The following PLAC1 variants were observed in gnomAD, a reference collection of about 807,000 sequenced individuals.
PLAC1 encodes the protein placenta associated 1.
For synonymous variants in PLAC1, 68 were observed against 62.1 expected (o/e 1.09, Z -0.44); for missense variants, 136 against 163.2 (o/e 0.83, Z 0.91).
At chrX:134,617,204 G>C (rs2078187860) in intron 1 of PLAC1, among the ~76,000 whole-genome samples, 1 of 110,918 alleles carries the variant, frequency 9.0e-6, no homozygotes, top group African/African-American at 3.3e-5. Flanking sequence ...GGCCAGGCTG[G>C]TCTCGAACTC....
intron 1 of PLAC1, among the ~76,000 whole-genome samples, chrX:134,617,902 G>C (rs1186815341): frequency 8.9e-6 from 1 of 111,923 alleles, no homozygotes; most frequent in Non-Finnish European, 1.9e-5. Context: ...AAAACTTCTG[G>C]ACCTGCTTGT....
intron 2 of PLAC1, among the ~76,000 whole-genome samples, chrX:134,671,011 TA>T (rs1001868931): frequency 6.3e-5 from 7 of 111,787 alleles, no homozygotes; most frequent in African/African-American, 2.3e-4. Context: ...CTTCATTTGT[TA>T]AAAAAATTTT....
At chrX:134,710,676 T>C (rs1166310923) in intron 2 of PLAC1, among the ~76,000 whole-genome samples, 2 of 111,676 alleles carry the variant, frequency 1.8e-5, no homozygotes, top group African/African-American at 6.5e-5. Context: ...CATGGACTGA[T>C]CTCAAGAACA....
At position 134,712,977 on chromosome X, in the gene PLAC1, T is replaced by C. The variant is rs180837312; in HGVS notation, n.174+20458A>G. On this transcript the variant is annotated intron_variant and non_coding_transcript_variant, in intron 2 of 2. Transcript: ENST00000466797. ...AATCCACTCTAACTTACAACTAAAGTAAATTATTCAGCAACTCTGGTACAT... is the reference window on the plus strand; with the variant it reads ...AATCCACTCTAACTTACAACTAAAGCAAATTATTCAGCAACTCTGGTACAT... Among the ~76,000 whole-genome samples the C allele has an allele frequency of 2.5e-3, 282 of 112,360 alleles. 2 individuals carry two copies. Among genetic ancestry groups the C allele is most frequent in the Non-Finnish European group, 3.8e-3 (204 of 53,282 alleles).
chrX:134,622,235 G>C (rs2078214440), intron 1 of PLAC1, among the ~76,000 whole-genome samples: 1 of 112,053 alleles, frequency 8.9e-6, no homozygotes, highest in African/African-American at 3.2e-5. Flanking sequence ...ATCCTGCCTT[G>C]GTGCTGAGCG....
intron 2 of PLAC1, among the ~76,000 whole-genome samples, chrX:134,575,881 T>C (rs1283515047): frequency 9.1e-6 from 1 of 109,635 alleles, no homozygotes; most frequent in Non-Finnish European, 1.9e-5. Context: ...CATTTGCATA[T>C]TATAATACAT....
chrX:134,580,810 C>T (rs188589551), intron 2 of PLAC1, among the ~76,000 whole-genome samples: 134 of 111,841 alleles, frequency 1.2e-3, no homozygotes, highest in African/African-American at 4.1e-3. Context: ...CACATTTATT[C>T]CGTGGGTTGC....
chrX:134,620,234 A>T (rs1361062517), intron 1 of PLAC1, among the ~76,000 whole-genome samples: 1 of 112,579 alleles, frequency 8.9e-6, no homozygotes, highest in African/African-American at 3.2e-5. Context: ...CAACCTTCTT[A>T]TAGTGGCCCA....
intron 1 of PLAC1, among the ~76,000 whole-genome samples, chrX:134,762,204 C>CG (rs1253950751): frequency 1.9e-5 from 2 of 107,068 alleles, no homozygotes; most frequent in African/African-American, 6.9e-5. Flanking sequence ...GCACCCCCCC[C>CG]CCAATGACCA....
intron 1 of PLAC1, among the ~76,000 whole-genome samples, chrX:134,761,115 G>A (rs1388366105): frequency 9.0e-6 from 1 of 111,646 alleles, no homozygotes; most frequent in East Asian, 2.8e-4. Flanking sequence ...AGGTTTTTGA[G>A]GGGAAAAGGA....
At chrX:134,574,036 C>T (rs917262105) in intron 2 of PLAC1, among the ~76,000 whole-genome samples, 2 of 110,041 alleles carry the variant, frequency 1.8e-5, no homozygotes, top group Non-Finnish European at 3.8e-5. Context: ...GTGATGAGGA[C>T]ATTGTAGGAA....
rs2078730610 is a variant in PLAC1, at chrX:134,747,026, A to G, written n.90-13507T>C. 2.7e-5 allele frequency among the ~76,000 whole-genome samples: 3 copies of G among 112,370 alleles called. No homozygotes were observed. The South Asian group carries it at 1.1e-3, about 42-fold the overall frequency. ...AAACAGCCCAAGGCAGTATATGCTAAGAGGAATGGTATAGAGTAGGCAATA... is the reference window on the plus strand; with the variant it reads ...AAACAGCCCAAGGCAGTATATGCTAGGAGGAATGGTATAGAGTAGGCAATA... On this transcript the variant is annotated intron_variant and non_coding_transcript_variant, in intron 1 of 2. Transcript: ENST00000466797.
chrX:134,610,281 G>C (rs1394706643), intron 1 of PLAC1, among the ~76,000 whole-genome samples: 3 of 111,351 alleles, frequency 2.7e-5, no homozygotes, highest in Non-Finnish European at 5.7e-5. Context: ...TGGCTGGAAG[G>C]GATCTTATTT....
chrX:134,629,519 C>T (rs981241236), intron 1 of PLAC1, among the ~76,000 whole-genome samples: 6 of 111,151 alleles, frequency 5.4e-5, no homozygotes, highest in African/African-American at 2.0e-4. Context: ...TTGAACTTTC[C>T]TGAGTGCCGC....
At chrX:134,663,458 G>A (rs187899319), upstream of PLAC1, among the ~76,000 whole-genome samples, 552 of 112,977 alleles carry the variant, frequency 4.9e-3, 1 homozygote, top group African/African-American at 0.015. Context: ...GCGCGCACGC[G>A]CGTGCACGTG....
At chrX:134,588,290 T>TTTTA (rs58865720) in intron 2 of PLAC1, among the ~76,000 whole-genome samples, 944 of 74,635 alleles carry the variant, frequency 0.013, 21 homozygotes, top group African/African-American at 0.035. Context: ...GAACTCTTTA[T>TTTTA]TTTATTTATT....
intron 1 of PLAC1, among the ~76,000 whole-genome samples, chrX:134,627,613 A>G (rs1435799557): frequency 8.9e-6 from 1 of 112,648 alleles, no homozygotes. Context: ...GATATCCTAA[A>G]TGGCAAAAGC....
chrX:134,703,229 A>T (rs981480150), intron 2 of PLAC1, among the ~76,000 whole-genome samples: 2 of 112,101 alleles, frequency 1.8e-5, no homozygotes, highest in African/African-American at 6.5e-5. Flanking sequence ...AATAAAAATA[A>T]ATACAAACCT....
intron 1 of PLAC1, among the ~76,000 whole-genome samples, chrX:134,613,078 G>A (rs906620647): frequency 1.8e-5 from 2 of 110,586 alleles, no homozygotes; most frequent in Non-Finnish European, 3.8e-5. Context: ...CCAGCAACTC[G>A]GGAGGCTGAG....
Sources: gnomAD v4.1 joint callset for allele counts (sites outside exome capture counted in the v4.1 genomes callset) on GRCh38, gnomAD v4.1.1 for gene constraint, MANE v1.5 for transcripts, NCBI Gene and HGNC (gene_info 2026-07-23, HGNC 2026-07-21) for gene names.